Variants in MAP4K4 observed in about 807,000 individuals in gnomAD.
The protein encoded by MAP4K4 is mitogen-activated protein kinase kinase kinase kinase 4.
Under a neutral mutation model 189.6 loss-of-function variants are expected in MAP4K4, and 38 were observed. The observed-to-expected ratio is 0.20, with a 90% CI of 0.15 to 0.26. The LOEUF (loss-of-function observed/expected upper bound fraction) is 0.26, where lower values mean the gene tolerates loss of function less well. MAP4K4 is among the 10% of genes least tolerant of loss of function. The probability of loss-of-function intolerance (pLI) is 1.00; values close to 1 mark genes in which losing one functional copy is unlikely to be tolerated. For missense variants in MAP4K4, 1,054 were observed against 1,726.9 expected, an observed-to-expected ratio of 0.61 and a Z score of 6.91; for synonymous variants, 610 against 624.3, an observed-to-expected ratio of 0.98 and a Z score of 0.34.
intron 12 of MAP4K4, among the ~76,000 whole-genome samples, chr2:101,848,565 T>TGTGG (rs2097181657): frequency 6.6e-6 from 1 of 152,218 alleles, no homozygotes; most frequent in Admixed American, 6.5e-5. Flanking sequence ...AAGTAAAGGC[T>TGTGG]GTGGGCAAAC....
chr2:101,705,318 G>T (rs1029340799), intron 2 of MAP4K4, among the ~76,000 whole-genome samples: 1 of 152,086 alleles, frequency 6.6e-6, no homozygotes, highest in Non-Finnish European at 1.5e-5. Context: ...AAAAACAGGG[G>T]GATGGACACA....
intron 12 of MAP4K4, among the ~76,000 whole-genome samples, chr2:101,850,553 G>A (rs1012802439): frequency 2.0e-5 from 3 of 152,126 alleles, no homozygotes; most frequent in Admixed American, 6.5e-5. Flanking sequence ...CAAGCCATTA[G>A]TATCTAACAT....
At chr2:101,872,038 T>C (rs1294656447) in intron 24 of MAP4K4, among the ~76,000 whole-genome samples, 1 of 152,258 alleles carries the variant, frequency 6.6e-6, no homozygotes, top group Non-Finnish European at 1.5e-5. Context: ...ATTTGTGGAA[T>C]CTGCCTTTTT....
In MAP4K4 at chr2:101,834,355, T is replaced by C. The variant is rs2096681013; in HGVS notation, c.640-54T>C. On this transcript the variant is annotated intron_variant, in intron 7 of 32. Coordinates refer to ENST00000324219, the Ensembl canonical transcript of MAP4K4. Reference sequence around the variant, plus strand: ...TTGTGTGAATACCCAGACATGTAAGTTAGTGGCTTTGTATCTACTCCAGTA... The same window carrying C: ...TTGTGTGAATACCCAGACATGTAAGCTAGTGGCTTTGTATCTACTCCAGTA... 10 of 1,338,508 alleles carry C rather than the reference T, an allele frequency of 7.5e-6. No individual in the cohort carries two copies. In the Admixed American group the frequency reaches 1.9e-4, roughly 26 times the overall value. 82.9% of individuals were successfully genotyped at this position (1,338,508 alleles called of 1,614,324 possible). A position where few individuals can be genotyped will look rare whatever the true frequency, so the allele number is the denominator to read the frequency against.
At chr2:101,793,217 T>C (rs2148847414) in intron 3 of MAP4K4, among the ~76,000 whole-genome samples, 1 of 152,344 alleles carries the variant, frequency 6.6e-6, no homozygotes, top group African/African-American at 2.4e-5. Flanking sequence ...AAATAAGTAT[T>C]ATACAAACAC....
rs879029115 is a variant in MAP4K4 at position 101,882,725 on chromosome 2, T to C, written c.3520+40T>C. 3 of 1,477,290 alleles carry C rather than the reference T, an allele frequency of 2.0e-6. No homozygotes were observed. The Admixed American group carries it at 7.5e-5, about 37-fold the overall frequency. The allele number at this position is 1,477,290 out of a possible 1,614,324, so 91.5% of individuals were successfully genotyped here. On this transcript the variant is annotated intron_variant, in intron 28 of 32. Coordinates refer to ENST00000324219, the Ensembl canonical transcript of MAP4K4. ...CGTCATATTTTGTTTTTCCAGAGTT[T>C]GATTAGAGTTTGAATTTTAAACTTT... is the stretch of plus-strand genomic sequence containing the variant.
chr2:101,843,450 A>G (rs1032403668), intron 11 of MAP4K4, among the ~76,000 whole-genome samples: 9 of 152,190 alleles, frequency 5.9e-5, no homozygotes, highest in Non-Finnish European at 1.0e-4. Context: ...ATTTGAACTG[A>G]TTTCATAAGC....
intron 2 of MAP4K4, among the ~76,000 whole-genome samples, chr2:101,776,147 C>G (rs2083978008): frequency 6.6e-6 from 1 of 152,176 alleles, no homozygotes; most frequent in East Asian, 1.9e-4. Flanking sequence ...AAGTTGATTA[C>G]AGATTCTCAG....
At position 101,746,707 on chromosome 2, in the gene MAP4K4, C is replaced by T. The variant is rs115567723; in HGVS notation, c.124-44013C>T. 9.9e-3 allele frequency among the ~76,000 whole-genome samples: 1,502 copies of T among 152,158 alleles called. 16 individuals carry two copies. Among genetic ancestry groups the T allele is most frequent in the Non-Finnish European group, 0.016 (1,093 of 68,000 alleles). On this transcript the variant is annotated intron_variant, in intron 2 of 32. Transcript: ENST00000324219. ...CTCACGTTAAAACTAAATTACATTT[C>T]GCTTCTGAGAAAAGCCCTTTGGGAA...
chr2:101,887,759 C>T lies in MAP4K4; in HGVS notation c.3772-19C>T. 1 of 1,593,682 alleles carries T rather than the reference C, an allele frequency of 6.3e-7. No homozygotes were observed. Among genetic ancestry groups the T allele is most frequent in the African/African-American group, 1.3e-5 (1 of 74,516 alleles). Reference sequence around the variant, plus strand: ...ATAACCACAGACGTTCTTCCCTGTACTTTGTTCCTGTTCTCTAGATCCAGT... The same window carrying T: ...ATAACCACAGACGTTCTTCCCTGTATTTTGTTCCTGTTCTCTAGATCCAGT... On this transcript the variant is annotated intron_variant, in intron 30 of 32. Coordinates refer to ENST00000324219, the Ensembl canonical transcript of MAP4K4.
chr2:101,880,773 C>T (rs191834981), intron 27 of MAP4K4, among the ~76,000 whole-genome samples: 8 of 152,330 alleles, frequency 5.3e-5, no homozygotes, highest in Admixed American at 2.6e-4. Flanking sequence ...CCATAAAGTA[C>T]TGGGATTACA....
chr2:101,762,208 C>A (rs2076794282), intron 2 of MAP4K4, among the ~76,000 whole-genome samples: 1 of 152,096 alleles, frequency 6.6e-6, no homozygotes, highest in Non-Finnish European at 1.5e-5. Flanking sequence ...ATTGTGTATC[C>A]CACATTTAAA....
intron 26 of MAP4K4, among the ~76,000 whole-genome samples, chr2:101,876,054 A>G (rs1431040777): frequency 6.6e-6 from 1 of 152,170 alleles, no homozygotes; most frequent in Admixed American, 6.5e-5. Flanking sequence ...GAGGAAAGGG[A>G]AAGGAGGGAC....
In MAP4K4 at chr2:101,740,827, A is replaced by C. The variant is rs1021825885; in HGVS notation, c.123+42289A>C. 4.6e-5 allele frequency among the ~76,000 whole-genome samples: 7 copies of C among 152,172 alleles called. No individual in the cohort carries two copies. The South Asian group carries it at 1.2e-3, about 27-fold the overall frequency. On this transcript the variant is annotated intron_variant, in intron 2 of 32. Transcript: ENST00000324219. ...ATGTCTGTTGAGAAAACCTTGCTAA[A>C]TTTTGTGGAAGTGCAAAATTCTCTC...
chr2:101,840,688 G>A (rs1351269153), intron 10 of MAP4K4, among the ~76,000 whole-genome samples: 7 of 152,078 alleles, frequency 4.6e-5, no homozygotes, highest in African/African-American at 1.4e-4. Context: ...TCTTTTGTGG[G>A]TCCTTATAAT....
rs2097771195 is a variant in MAP4K4 at position 101,864,911 on chromosome 2, C to T, written c.2098-19C>T. ...TTTCATGTTTTCAATAATTTAATTG[C>T]TATATTTTCTACTTAAAGGTTCCTG... On this transcript the variant is annotated intron_variant, in intron 17 of 32. Transcript: ENST00000324219. 1 of 1,420,040 alleles carries T rather than the reference C, an allele frequency of 7.0e-7. No individual in the cohort carries two copies. The allele number at this position is 1,420,040 out of a possible 1,614,324, so 88.0% of individuals were successfully genotyped here.
rs568453299 is a variant in MAP4K4, at chr2:101,735,561, A to T, written c.123+37023A>T. ...CAGAATACTCTAAGTCACTCTTCTT[A>T]GTCATTTGTTGGGTGGCCAAGGTCA... On this transcript the variant is annotated intron_variant, in intron 2 of 32. Transcript: ENST00000324219. Among the ~76,000 whole-genome samples the T allele has an allele frequency of 9.9e-5, 15 of 152,278 alleles. No individual in the cohort carries two copies. In the South Asian group the frequency reaches 2.9e-3, roughly 29 times the overall value.
At chr2:101,773,391 G>T (rs1230273256) in intron 2 of MAP4K4, among the ~76,000 whole-genome samples, 3 of 152,214 alleles carry the variant, frequency 2.0e-5, no homozygotes, top group South Asian at 2.1e-4. Context: ...GCCCAGAGGC[G>T]ACCTGGGTTC....
chr2:101,849,657 G>T (rs1253978195), intron 12 of MAP4K4, among the ~76,000 whole-genome samples: 1 of 144,876 alleles, frequency 6.9e-6, no homozygotes, highest in Admixed American at 6.9e-5. Context: ...TCATGGTTTG[G>T]CATCGTTTAT....
Sources: allele counts gnomAD v4.1 joint callset (sites outside exome capture counted in the v4.1 genomes callset), GRCh38; gene constraint gnomAD v4.1.1; transcripts MANE v1.5; gene names NCBI Gene and HGNC (gene_info 2026-07-23, HGNC 2026-07-21).